The following RB1 variants were observed in gnomAD, a reference collection of about 807,000 sequenced individuals.
RB1 encodes the protein RB transcriptional corepressor 1, also known as retinoblastoma-associated protein.
In RB1, 18 loss-of-function variants were observed where a neutral mutation model predicts 135.4. The observed-to-expected ratio is 0.13, with a 90% CI of 0.09 to 0.20. RB1 has a LOEUF of 0.20. Among genes scored for constraint, RB1 ranks in the 10% least tolerant of loss-of-function variants. RB1 has a pLI of 1.00. For missense variants in RB1, 868 were observed against 1,110.0 expected (o/e 0.78, Z 3.10); for synonymous variants, 365 against 373.2 (o/e 0.98, Z 0.25).
intron 2 of RB1, chr13:48,318,602 G>C (rs1233696238): frequency 8.1e-6 from 5 of 615,152 alleles, no homozygotes; most frequent in Non-Finnish European, 1.5e-5. Flanking sequence ...GGCCGGGCAC[G>C]GCTCACGCCT....
intron 6 of RB1, among the ~76,000 whole-genome samples, chr13:48,350,112 C>T (rs1216386036): frequency 6.6e-6 from 1 of 152,114 alleles, no homozygotes; most frequent in Non-Finnish European, 1.5e-5. Context: ...TTCAACACCC[C>T]ACTTTCAGCA....
chr13:48,306,505 C>T (rs865925285), intron 1 of RB1, among the ~76,000 whole-genome samples: 4 of 152,302 alleles, frequency 2.6e-5, no homozygotes, highest in Admixed American at 1.3e-4. Context: ...GACTGTTGGG[C>T]TCACATAGTG....
intron 6 of RB1, among the ~76,000 whole-genome samples, chr13:48,356,100 G>A (rs947174193): frequency 6.6e-6 from 1 of 152,008 alleles, no homozygotes; most frequent in Non-Finnish European, 1.5e-5. Context: ...AAATGCTTGA[G>A]GAGATGGATA....
chr13:48,472,602 A>G (rs1238417763), intron 23 of RB1, among the ~76,000 whole-genome samples: 1 of 152,080 alleles, frequency 6.6e-6, no homozygotes, highest in Non-Finnish European at 1.5e-5. Flanking sequence ...CTGTGTTGGT[A>G]TTCTTCAGCA....
intron 2 of RB1, chr13:48,328,543 C>T (rs892053741): frequency 2.7e-6 from 2 of 730,852 alleles, no homozygotes; most frequent in Non-Finnish European, 5.1e-6. Context: ...CTTCTCCTCT[C>T]CCGCCTTCCC....
chr13:48,477,274 C>A, intron 25 of RB1, 81 bp from the exon 26 acceptor site: 4 of 1,001,264 alleles, frequency 4.0e-6, no homozygotes, highest in Non-Finnish European at 6.2e-6. Flanking sequence ...AGTAAGTCAT[C>A]GAAAGCATCA....
At chr13:48,344,207 T>C (rs1952472108) in intron 3 of RB1, among the ~76,000 whole-genome samples, 1 of 152,244 alleles carries the variant, frequency 6.6e-6, no homozygotes, top group Non-Finnish European at 1.5e-5. Flanking sequence ...CGAAGAGTGA[T>C]TTAAAGTTAT....
chr13:48,449,788 T>C (rs1446413229), intron 17 of RB1, among the ~76,000 whole-genome samples: 1 of 152,232 alleles, frequency 6.6e-6, no homozygotes, highest in Non-Finnish European at 1.5e-5. Context: ...TATTGCCGTT[T>C]TAGTGGGGTT....
At chr13:48,376,087 G>C (rs1952819448) in intron 12 of RB1, among the ~76,000 whole-genome samples, 1 of 151,874 alleles carries the variant, frequency 6.6e-6, no homozygotes, top group Non-Finnish European at 1.5e-5. Flanking sequence ...AAGTTGAATA[G>C]CCCCACTCCA....
At chr13:48,336,293 C>T (rs532442656) in intron 2 of RB1, among the ~76,000 whole-genome samples, 2 of 152,168 alleles carry the variant, frequency 1.3e-5, no homozygotes, top group Admixed American at 6.5e-5. Context: ...TGGTAGAATT[C>T]GGCTGTGAAT....
rs1410682109 is a variant in RB1, at chr13:48,411,962, A to T, written c.1695+30519A>T. 3.1e-6 allele frequency: 5 copies of T among 1,612,640 alleles called. No homozygotes were observed. In the South Asian group the frequency reaches 5.5e-5, roughly 18 times the overall value. ...TGTTACCCTGAGAGTGGGTAGACTG[A>T]ACAAAAACGGCGGGTGCACTTCCTC... On this transcript the variant is annotated intron_variant, in intron 17 of 26. Coordinates refer to ENST00000267163, the MANE Select transcript of RB1 (RefSeq NM_000321.3).
intron 16 of RB1, among the ~76,000 whole-genome samples, chr13:48,380,680 T>C (rs1187378318): frequency 6.6e-6 from 1 of 152,168 alleles, no homozygotes; most frequent in Non-Finnish European, 1.5e-5. Context: ...AAAACATAAA[T>C]GTATATCACT....
At chr13:48,365,767 G>A (rs890899130) in intron 9 of RB1, among the ~76,000 whole-genome samples, 3 of 152,094 alleles carry the variant, frequency 2.0e-5, no homozygotes, top group African/African-American at 4.8e-5. Flanking sequence ...TGTCAGGCAC[G>A]TGCTAGATAC....
chr13:48,318,815 G>A lies in RB1; in HGVS notation c.264+11409G>A, dbSNP rs1335748576. ...AAAGTGGGCCCTGGGCAGCCTGCGA[G>A]CAGCTCTCACCTCTGGCCAGCAAAC... On this transcript the variant is annotated intron_variant, in intron 2 of 26. Coordinates refer to ENST00000267163, the MANE Select transcript of RB1 (RefSeq NM_000321.3). 4.3e-6 allele frequency: 4 copies of A among 939,302 alleles called. No individual in the cohort carries two copies. In the Admixed American group the frequency reaches 7.0e-5, roughly 17 times the overall value. The allele number at this position is 939,302 out of a possible 1,614,324, so 58.2% of individuals were successfully genotyped here. A position where few individuals can be genotyped will look rare whatever the true frequency, so the allele number is the denominator to read the frequency against.
intron 17 of RB1, among the ~76,000 whole-genome samples, chr13:48,382,980 G>A (rs1266609459): frequency 6.6e-6 from 1 of 151,964 alleles, no homozygotes; most frequent in Non-Finnish European, 1.5e-5. Context: ...GTTTTTGTCA[G>A]GTTTGTCAAA....
In RB1 at chr13:48,346,370, ATGTGTGTGTGTGTGTG is replaced by A. The variant is rs61503219; in HGVS notation, c.500+1200_500+1215del. Among the ~76,000 whole-genome samples, 386 of 131,124 alleles carry A rather than the reference ATGTGTGTGTGTGTGTG, an allele frequency of 2.9e-3. 2 individuals are homozygous for A. The highest frequency in any genetic ancestry group is 0.022 in the East Asian group (99 of 4,420). 86.0% of individuals were successfully genotyped at this position (131,124 alleles called of 152,430 possible). ...TCACATTGAGTAGAATATTATATAT[ATGTGTGTGTGTGTGTG>A]TGTGTGTGTGTGTGTGTGTGTGTGT... On this transcript the variant is annotated intron_variant, in intron 4 of 26. Transcript: ENST00000267163.
chr13:48,385,765 T>C (rs946980244), intron 17 of RB1, among the ~76,000 whole-genome samples: 4 of 152,146 alleles, frequency 2.6e-5, no homozygotes, highest in African/African-American at 9.7e-5. Flanking sequence ...TAAGCAAAGA[T>C]AATTGCTTCT....
chr13:48,445,545 T>C (rs1949280172), intron 17 of RB1, among the ~76,000 whole-genome samples: 1 of 152,116 alleles, frequency 6.6e-6, no homozygotes, highest in Admixed American at 6.5e-5. Flanking sequence ...TTGGAAGATC[T>C]CTGCCCCTTC....
intron 2 of RB1, among the ~76,000 whole-genome samples, chr13:48,324,457 T>A (rs7983002): frequency 0.15 from 22,979 of 151,618 alleles, 4,894 homozygotes; most frequent in African/African-American, 0.47. Flanking sequence ...AAGCTCTTGC[T>A]TGTAAGTGAG....
Sources: allele counts gnomAD v4.1 joint callset (sites outside exome capture counted in the v4.1 genomes callset), GRCh38; gene constraint gnomAD v4.1.1; transcripts MANE v1.5; gene names NCBI Gene and HGNC (gene_info 2026-07-23, HGNC 2026-07-21).